The following PTPRD variants were observed in gnomAD, a reference collection of about 807,000 sequenced individuals.
PTPRD encodes the protein protein tyrosine phosphatase receptor type D.
In PTPRD, 34 loss-of-function variants were observed where a neutral mutation model predicts 214.5. The observed-to-expected ratio is 0.16, with a 90% CI of 0.12 to 0.21. PTPRD has a LOEUF of 0.21. Among genes scored for constraint, PTPRD ranks in the 10% least tolerant of loss-of-function variants. PTPRD has a pLI of 1.00. For synonymous variants in PTPRD, 1,128 were observed against 845.7 expected (o/e 1.33, Z -5.79); for missense variants, 2,545 against 2,398.7 (o/e 1.06, Z -1.27).
intron 14 of PTPRD, among the ~76,000 whole-genome samples, chr9:8,568,259 C>G (rs934300725): frequency 1.3e-5 from 2 of 152,042 alleles, no homozygotes; most frequent in African/African-American, 4.8e-5. Context: ...TTCTTTGGGT[C>G]TCCAAATCTC....
At chr9:9,629,568 C>T (rs2095526752) in intron 7 of PTPRD, among the ~76,000 whole-genome samples, 2 of 152,048 alleles carry the variant, frequency 1.3e-5, no homozygotes, top group South Asian at 4.1e-4. Flanking sequence ...TTTAAAATTC[C>T]AAGACCCACC....
At chr9:9,380,622 A>G (rs62532898) in intron 9 of PTPRD, among the ~76,000 whole-genome samples, 20,996 of 152,160 alleles carry the variant, frequency 0.14, 1,776 homozygotes, top group Non-Finnish European at 0.2. Context: ...ATCTTAGTAA[A>G]TGTTCCATGT....
chr9:9,580,078 G>T (rs987546963), intron 7 of PTPRD, among the ~76,000 whole-genome samples: 1 of 152,104 alleles, frequency 6.6e-6, no homozygotes, highest in Admixed American at 6.6e-5. Context: ...GTGTGTGTAT[G>T]TCTGCGTGTA....
intron 5 of PTPRD, among the ~76,000 whole-genome samples, chr9:9,814,323 A>C (rs2048075392): frequency 1.4e-5 from 2 of 147,718 alleles, no homozygotes; most frequent in Non-Finnish European, 3.0e-5. Context: ...AAAAAAAAGC[A>C]TCCAAATCAG....
intron 3 of PTPRD, among the ~76,000 whole-genome samples, chr9:10,191,705 T>C (rs1389367063): frequency 6.6e-6 from 1 of 152,198 alleles, no homozygotes; most frequent in Non-Finnish European, 1.5e-5. Context: ...CTTCCTCTGA[T>C]AATCTTTCTA....
At chr9:8,429,652 G>A (rs895547904) in intron 35 of PTPRD, among the ~76,000 whole-genome samples, 1 of 152,166 alleles carries the variant, frequency 6.6e-6, no homozygotes, top group Non-Finnish European at 1.5e-5. Context: ...ACAGACAGGA[G>A]ATGTGAGAGT....
At chr9:9,156,495 A>C (rs1164725327) in intron 10 of PTPRD, among the ~76,000 whole-genome samples, 3 of 151,714 alleles carry the variant, frequency 2.0e-5, no homozygotes, top group Admixed American at 2.0e-4. Context: ...AGCACCTCAA[A>C]CTTAAAAATA....
intron 9 of PTPRD, among the ~76,000 whole-genome samples, chr9:9,269,337 A>G (rs1171934922): frequency 1.3e-5 from 2 of 151,422 alleles, no homozygotes; most frequent in Admixed American, 6.6e-5. Flanking sequence ...GATGGCCATT[A>G]GCAAAAAGTT....
chr9:10,187,922 G>A, intron 3 of PTPRD, among the ~76,000 whole-genome samples: 1 of 152,024 alleles, frequency 6.6e-6, no homozygotes, highest in East Asian at 1.9e-4. Flanking sequence ...TATTCCACTT[G>A]TCAAAAATTG....
chr9:9,920,161 C>A (rs933654183), intron 5 of PTPRD, among the ~76,000 whole-genome samples: 1 of 152,114 alleles, frequency 6.6e-6, no homozygotes, highest in East Asian at 1.9e-4. Context: ...AACAGTGTCT[C>A]AGGCACTTGC....
intron 10 of PTPRD, among the ~76,000 whole-genome samples, chr9:9,060,326 G>A (rs1046189464): frequency 6.6e-6 from 1 of 152,080 alleles, no homozygotes; most frequent in Non-Finnish European, 1.5e-5. Context: ...AAGTGAATTT[G>A]ACTCTTATCT....
chr9:8,587,290 G>A (rs2093739617), intron 14 of PTPRD, among the ~76,000 whole-genome samples: 1 of 152,086 alleles, frequency 6.6e-6, no homozygotes, highest in African/African-American at 2.4e-5. Context: ...TATGACAACT[G>A]GTTTGATCAT....
chr9:8,463,512 A>G (rs1391920868), intron 32 of PTPRD, among the ~76,000 whole-genome samples: 1 of 151,934 alleles, frequency 6.6e-6, no homozygotes, highest in East Asian at 1.9e-4. Flanking sequence ...ATTCTTTACC[A>G]AGAACCTTTA....
chr9:8,645,459 C>T (rs1456440062), intron 12 of PTPRD, among the ~76,000 whole-genome samples: 2 of 152,202 alleles, frequency 1.3e-5, no homozygotes, highest in Non-Finnish European at 2.9e-5. Context: ...TTTCAAGACA[C>T]TTCAATGACA....
At chr9:8,916,798 AAAC>A (rs1232270647) in intron 11 of PTPRD, among the ~76,000 whole-genome samples, 2 of 152,318 alleles carry the variant, frequency 1.3e-5, no homozygotes, top group Admixed American at 6.5e-5. Flanking sequence ...TTCAAATTGG[AAAC>A]AACGAGCTAT....
chr9:9,524,409 TTC>T (rs1202122379), intron 8 of PTPRD, among the ~76,000 whole-genome samples: 1 of 152,202 alleles, frequency 6.6e-6, no homozygotes, highest in Non-Finnish European at 1.5e-5. Flanking sequence ...TATTTAAATA[TTC>T]TCCTTAATTC....
chr9:9,930,782 T>A (rs1475874255), intron 5 of PTPRD, among the ~76,000 whole-genome samples: 1 of 152,056 alleles, frequency 6.6e-6, no homozygotes, highest in Non-Finnish European at 1.5e-5. Context: ...TAAGTGAGCA[T>A]AATATGTATG....
intron 5 of PTPRD, among the ~76,000 whole-genome samples, chr9:9,823,917 T>C (rs182474159): frequency 6.6e-6 from 1 of 152,106 alleles, no homozygotes; most frequent in Non-Finnish European, 1.5e-5. Flanking sequence ...ATAATGAATA[T>C]CTCAATTATG....
At chr9:9,002,828 C>A (rs766873057) in intron 11 of PTPRD, among the ~76,000 whole-genome samples, 1 of 152,154 alleles carries the variant, frequency 6.6e-6, no homozygotes, top group Non-Finnish European at 1.5e-5. Flanking sequence ...CTCATTGCAC[C>A]CATCAAGTAA....
Sources: gnomAD v4.1 joint callset for allele counts (sites outside exome capture counted in the v4.1 genomes callset) on GRCh38, gnomAD v4.1.1 for gene constraint, MANE v1.5 for transcripts, NCBI Gene and HGNC (gene_info 2026-07-23, HGNC 2026-07-21) for gene names.